LRRTM4: variants seen among roughly 807,000 people sequenced by gnomAD.
The protein encoded by LRRTM4 is leucine rich repeat transmembrane neuronal 4, also known as leucine-rich repeat transmembrane neuronal protein 4.
Under a neutral mutation model 47.6 loss-of-function variants are expected in LRRTM4, and 25 were observed. The ratio of observed to expected loss-of-function variants is 0.53; its 90% confidence interval spans 0.38 to 0.73. The LOEUF (loss-of-function observed/expected upper bound fraction) is 0.73, where lower values mean the gene tolerates loss of function less well. Among genes scored for constraint, LRRTM4 ranks in the 30% least tolerant of loss-of-function variants. The pLI is 0.00. For missense variants in LRRTM4, 638 were observed against 713.4 expected (o/e 0.89, Z 1.20); for synonymous variants, 311 against 269.5 (o/e 1.15, Z -1.51).
chr2:77,037,377 C>T (rs1213545200), intron 3 of LRRTM4, among the ~76,000 whole-genome samples: 1 of 151,752 alleles, frequency 6.6e-6, no homozygotes. Flanking sequence ...ATAAGGCACT[C>T]AGTCACCACA....
intron 3 of LRRTM4, among the ~76,000 whole-genome samples, chr2:77,263,414 A>G (rs2104047057): frequency 6.6e-6 from 1 of 152,258 alleles, no homozygotes; most frequent in East Asian, 1.9e-4. Context: ...CAAGTTGGAC[A>G]GATGTTGTGG....
intron 3 of LRRTM4, among the ~76,000 whole-genome samples, chr2:77,055,784 C>T (rs1181107941): frequency 6.6e-6 from 1 of 151,738 alleles, no homozygotes; most frequent in Admixed American, 6.6e-5. Context: ...AGACTTGGAA[C>T]CAACCCAAAT....
At chr2:76,805,578 C>G (rs1675925544) in intron 3 of LRRTM4, among the ~76,000 whole-genome samples, 1 of 152,088 alleles carries the variant, frequency 6.6e-6, no homozygotes, top group African/African-American at 2.4e-5. Context: ...CCAGTGAGAA[C>G]AAGGAAGCAT....
chr2:77,431,103 C>T (rs1675358694), intron 3 of LRRTM4, among the ~76,000 whole-genome samples: 1 of 148,782 alleles, frequency 6.7e-6, no homozygotes, highest in African/African-American at 2.6e-5. Flanking sequence ...CCCGGTTCTT[C>T]GACTCCAAGA....
intron 3 of LRRTM4, among the ~76,000 whole-genome samples, chr2:77,502,898 C>G (rs1468775729): frequency 6.6e-6 from 1 of 151,424 alleles, no homozygotes; most frequent in African/African-American, 2.4e-5. Context: ...AGACTTACAT[C>G]AACACATTGT....
At position 76,761,901 on chromosome 2, in the gene LRRTM4, A is replaced by G. The variant is rs139287468; in HGVS notation, c.1552-12985T>C. Among the ~76,000 whole-genome samples the G allele has an allele frequency of 9.2e-5, 14 of 152,346 alleles. No homozygotes were observed. In the East Asian group the frequency reaches 1.2e-3, roughly 13 times the overall value. On this transcript the variant is annotated intron_variant, in intron 3 of 3. Transcript: ENST00000409884. The stretch of plus-strand genomic sequence containing the variant: ...TCAAATATTAATATGTAGGGGGACT[A>G]CAAAAGGATGTCCTCTGACACTGGA...
At chr2:77,280,278 C>A (rs2119487) in intron 3 of LRRTM4, among the ~76,000 whole-genome samples, 3,476 of 152,042 alleles carry the variant, frequency 0.023, 164 homozygotes, top group African/African-American at 0.08. Context: ...CCCCTAGAGC[C>A]TCCCGAAGAA....
At chr2:76,840,270 A>T (rs917804362) in intron 3 of LRRTM4, among the ~76,000 whole-genome samples, 1 of 152,208 alleles carries the variant, frequency 6.6e-6, no homozygotes, top group Admixed American at 6.5e-5. Flanking sequence ...GAAAATGCAA[A>T]TAGGTTCTGA....
intron 3 of LRRTM4, among the ~76,000 whole-genome samples, chr2:77,114,666 A>G (rs1404344190): frequency 3.3e-5 from 5 of 152,154 alleles, no homozygotes; most frequent in Non-Finnish European, 7.4e-5. Context: ...TCTGAGAAAT[A>G]AAAAGAAAGA....
chr2:77,343,075 A>G (rs1671433431), intron 3 of LRRTM4, among the ~76,000 whole-genome samples: 1 of 151,956 alleles, frequency 6.6e-6, no homozygotes, highest in South Asian at 2.1e-4. Context: ...TTAATTCACT[A>G]TATCCAGTCA....
chr2:77,294,033 T>C (rs1676901818), intron 3 of LRRTM4, among the ~76,000 whole-genome samples: 1 of 152,192 alleles, frequency 6.6e-6, no homozygotes, highest in Admixed American at 6.6e-5. Flanking sequence ...GCCAAAAACA[T>C]ATATGTATAC....
chr2:77,464,909 A>G (rs994758077), intron 3 of LRRTM4, among the ~76,000 whole-genome samples: 1 of 152,204 alleles, frequency 6.6e-6, no homozygotes, highest in African/African-American at 2.4e-5. Context: ...TTGAAAACAC[A>G]GCTCTTTTAA....
chr2:77,428,193 T>C (rs1294729136), intron 3 of LRRTM4, among the ~76,000 whole-genome samples: 1 of 152,214 alleles, frequency 6.6e-6, no homozygotes, highest in African/African-American at 2.4e-5. Flanking sequence ...TGGGGAACTG[T>C]GAGTCAATTA....
chr2:77,330,754 A>C (rs546652307), intron 3 of LRRTM4, among the ~76,000 whole-genome samples: 1 of 152,268 alleles, frequency 6.6e-6, no homozygotes, highest in Admixed American at 6.5e-5. Context: ...TTTTGTTGAC[A>C]AAAGTATGTT....
At chr2:77,119,602 A>G (rs947884854) in intron 3 of LRRTM4, among the ~76,000 whole-genome samples, 1 of 151,876 alleles carries the variant, frequency 6.6e-6, no homozygotes, top group Non-Finnish European at 1.5e-5. Flanking sequence ...TAGAGCAATG[A>G]AGAGAGATTT....
intron 3 of LRRTM4, among the ~76,000 whole-genome samples, chr2:77,424,707 G>T (rs1234916066): frequency 6.6e-6 from 1 of 152,070 alleles, no homozygotes; most frequent in Non-Finnish European, 1.5e-5. Flanking sequence ...AACTTCTTGA[G>T]GTTATTTAAC....
intron 3 of LRRTM4, among the ~76,000 whole-genome samples, chr2:77,114,639 C>T (rs1204626692): frequency 6.6e-6 from 1 of 152,236 alleles, no homozygotes; most frequent in Non-Finnish European, 1.5e-5. Context: ...TTTCTATTTT[C>T]CCTAAGTGTC....
chr2:77,187,216 G>A (rs1441427285), intron 3 of LRRTM4, among the ~76,000 whole-genome samples: 4 of 152,072 alleles, frequency 2.6e-5, no homozygotes, highest in Admixed American at 1.3e-4. Flanking sequence ...AAACTACTGT[G>A]GTGCCATTGA....
At chr2:76,869,121 C>A (rs1672550587) in intron 3 of LRRTM4, among the ~76,000 whole-genome samples, 1 of 151,958 alleles carries the variant, frequency 6.6e-6, no homozygotes, top group Non-Finnish European at 1.5e-5. Context: ...TCATCCTGGC[C>A]AACATGGTGA....
Sources: gnomAD v4.1 joint callset for allele counts (sites outside exome capture counted in the v4.1 genomes callset) on GRCh38, gnomAD v4.1.1 for gene constraint, MANE v1.5 for transcripts, NCBI Gene and HGNC (gene_info 2026-07-23, HGNC 2026-07-21) for gene names.